Variants in MAP2K6 observed in about 807,000 individuals in gnomAD.
MAP2K6 encodes the protein dual specificity mitogen-activated protein kinase kinase 6.
Under a neutral mutation model 53.7 loss-of-function variants are expected in MAP2K6, and 16 were observed. The observed-to-expected ratio is 0.30, with a 90% CI of 0.20 to 0.45. MAP2K6 has a LOEUF of 0.45. Among genes scored for constraint, MAP2K6 ranks in the 20% least tolerant of loss-of-function variants. MAP2K6 has a pLI of 1.00. For synonymous variants in MAP2K6, 132 were observed against 143.1 expected, an observed-to-expected ratio of 0.92 and a Z score of 0.55; for missense variants, 204 against 411.9, an observed-to-expected ratio of 0.50 and a Z score of 4.37.
intron 1 of MAP2K6, among the ~76,000 whole-genome samples, chr17:69,460,626 A>T (rs1406391549): frequency 6.6e-6 from 1 of 152,140 alleles, no homozygotes; most frequent in Non-Finnish European, 1.5e-5. Flanking sequence ...TGTTGTTGGG[A>T]TAGGGTCCCA....
intron 1 of MAP2K6, among the ~76,000 whole-genome samples, chr17:69,467,000 G>T (rs1445916568): frequency 6.6e-6 from 1 of 152,154 alleles, no homozygotes; most frequent in Non-Finnish European, 1.5e-5. Flanking sequence ...CTGTTGCAAA[G>T]ATAATACTAA....
intron 2 of MAP2K6, among the ~76,000 whole-genome samples, chr17:69,515,321 T>C (rs1199995051): frequency 6.6e-6 from 1 of 151,990 alleles, no homozygotes; most frequent in Non-Finnish European, 1.5e-5. Context: ...AATGCCCGGC[T>C]AATTTTTGTG....
chr17:69,447,851 C>T (rs757691205), intron 1 of MAP2K6, among the ~76,000 whole-genome samples: 2 of 152,134 alleles, frequency 1.3e-5, no homozygotes, highest in Non-Finnish European at 2.9e-5. Context: ...TTATTCCTAG[C>T]GGGGAGCCTG....
At chr17:69,529,537 G>C (rs979030590) in intron 10 of MAP2K6, among the ~76,000 whole-genome samples, 1 of 115,576 alleles carries the variant, frequency 8.7e-6, no homozygotes, top group African/African-American at 3.6e-5. Flanking sequence ...TGGAGACGGA[G>C]TTTTGCTCTG....
intron 11 of MAP2K6, among the ~76,000 whole-genome samples, chr17:69,541,463 G>A (rs1023039457): frequency 6.6e-6 from 1 of 151,982 alleles, no homozygotes; most frequent in Non-Finnish European, 1.5e-5. Context: ...GAAACCTAGA[G>A]ATATCAAGAT....
intron 1 of MAP2K6, among the ~76,000 whole-genome samples, chr17:69,426,612 A>G (rs1449015816): frequency 6.6e-6 from 1 of 152,194 alleles, no homozygotes; most frequent in African/African-American, 2.4e-5. Context: ...AAGAGGTACT[A>G]TTGAGTGGGA....
rs989402248 is a variant in MAP2K6, at chr17:69,551,243, CACAG to C, written c.*9495_*9498del. The C allele has an allele frequency of 6.6e-6, 1 of 152,172 alleles. No homozygotes were observed. Among genetic ancestry groups the C allele is most frequent in the African/African-American group, 2.4e-5 (1 of 41,420 alleles). 9.4% of individuals were successfully genotyped at this position (152,172 alleles called of 1,614,324 possible). ...AAGCAAATCCTTTGGACAATGTTGACACAGACAGGGGTACGGTCTGAGACTCAAG... is the reference window on the plus strand; with the variant it reads ...AAGCAAATCCTTTGGACAATGTTGACACAGGGGTACGGTCTGAGACTCAAG... On this transcript the variant is annotated 3_prime_UTR_variant, in exon 12 of 12. Coordinates refer to ENST00000590474, the MANE Select transcript of MAP2K6 (RefSeq NM_002758.4).
chr17:69,504,849 T>C (rs1445203530), intron 1 of MAP2K6, among the ~76,000 whole-genome samples: 1 of 152,172 alleles, frequency 6.6e-6, no homozygotes, highest in Admixed American at 6.5e-5. Context: ...TTGCATAAGC[T>C]CATCTGTTAT....
intron 1 of MAP2K6, among the ~76,000 whole-genome samples, chr17:69,482,994 T>A (rs1288718069): frequency 6.6e-6 from 1 of 151,956 alleles, no homozygotes; most frequent in East Asian, 1.9e-4. Context: ...ACTGTCTTCA[T>A]GAGGGCTTGG....
At chr17:69,466,357 G>A in intron 1 of MAP2K6, among the ~76,000 whole-genome samples, 1 of 151,582 alleles carries the variant, frequency 6.6e-6, no homozygotes, top group Non-Finnish European at 1.5e-5. Context: ...TCCTCTAGTA[G>A]CTTGTCCTTT....
intron 1 of MAP2K6, among the ~76,000 whole-genome samples, chr17:69,419,433 A>C (rs1426938315): frequency 6.6e-6 from 1 of 152,202 alleles, no homozygotes; most frequent in Non-Finnish European, 1.5e-5. Flanking sequence ...ACATATTGCC[A>C]AGTAAATTGC....
At chr17:69,451,208 T>A (rs1234391497) in intron 1 of MAP2K6, among the ~76,000 whole-genome samples, 1 of 152,134 alleles carries the variant, frequency 6.6e-6, no homozygotes, top group Non-Finnish European at 1.5e-5. Flanking sequence ...GTGTCTGGCT[T>A]ATGGGAACTG....
intron 6 of MAP2K6, 64 bp downstream of exon 6, chr17:69,520,450 G>A (rs1169003301): frequency 3.2e-6 from 3 of 934,832 alleles, no homozygotes; most frequent in Non-Finnish European, 5.0e-6. Flanking sequence ...TGTGTCTTTG[G>A]ACCTCAGTAT....
rs1911719788 is a variant in MAP2K6 at position 69,543,048 on chromosome 17, C to G, written c.*1295C>G. 6.6e-6 allele frequency: 1 copy of G among 152,078 alleles called. No homozygotes were observed. The highest frequency in any genetic ancestry group is 2.4e-5 in the African/African-American group (1 of 41,396). The allele number at this position is 152,078 out of a possible 1,614,324, so 9.4% of individuals were successfully genotyped here. A position where few individuals can be genotyped will look rare whatever the true frequency, so the allele number is the denominator to read the frequency against. ...AGGAGATGAGCTTCATTGGGAGTTCCTAGCAAGTTGACTAAACAGCAAAAG... is the reference window on the plus strand; with the variant it reads ...AGGAGATGAGCTTCATTGGGAGTTCGTAGCAAGTTGACTAAACAGCAAAAG... On this transcript the variant is annotated 3_prime_UTR_variant, in exon 12 of 12. Transcript: ENST00000590474.
chr17:69,462,635 C>T (rs547422647), intron 1 of MAP2K6, among the ~76,000 whole-genome samples: 26 of 152,248 alleles, frequency 1.7e-4, no homozygotes, highest in Non-Finnish European at 3.1e-4. Context: ...GATTAAGTCT[C>T]GGCCTCATTT....
intron 10 of MAP2K6, among the ~76,000 whole-genome samples, chr17:69,531,116 C>T (rs897244025): frequency 1.3e-5 from 2 of 151,784 alleles, no homozygotes; most frequent in African/African-American, 2.4e-5. Flanking sequence ...TATGGTCCTC[C>T]CAGACTTCTC....
intron 10 of MAP2K6, among the ~76,000 whole-genome samples, chr17:69,528,576 G>A (rs930540069): frequency 2.9e-4 from 44 of 151,874 alleles, no homozygotes; most frequent in Middle Eastern, 3.2e-3. Flanking sequence ...AAGGGATGAG[G>A]GGCCGGGCGT....
chr17:69,531,153 G>A (rs1428083732), intron 10 of MAP2K6, among the ~76,000 whole-genome samples: 3 of 151,964 alleles, frequency 2.0e-5, no homozygotes, highest in Non-Finnish European at 4.4e-5. Context: ...GTGCTAAGTG[G>A]GGAAGGGAGA....
At chr17:69,495,277 C>A (rs751242316) in intron 1 of MAP2K6, among the ~76,000 whole-genome samples, 2 of 150,790 alleles carry the variant, frequency 1.3e-5, no homozygotes, top group African/African-American at 2.4e-5. Context: ...TCGCTCTTGT[C>A]GCCCAAGCTG....
Sources: gnomAD v4.1 joint callset for allele counts (sites outside exome capture counted in the v4.1 genomes callset) on GRCh38, gnomAD v4.1.1 for gene constraint, MANE v1.5 for transcripts, NCBI Gene and HGNC (gene_info 2026-07-23, HGNC 2026-07-21) for gene names.